The following ADGRL3 variants were observed in gnomAD, a reference collection of about 807,000 sequenced individuals.
ADGRL3 encodes adhesion G protein-coupled receptor L3, also known as calcium-independent alpha-latrotoxin receptor 3.
Under a neutral mutation model 153.5 loss-of-function variants are expected in ADGRL3, and 62 were observed. The ratio of observed to expected loss-of-function variants is 0.40; its 90% CI spans 0.33 to 0.50. The LOEUF (loss-of-function observed/expected upper bound fraction) is 0.50, where lower values mean the gene tolerates loss of function less well. ADGRL3 is among the 20% of genes least tolerant of loss of function. ADGRL3 has a pLI of 0.47. For missense variants in ADGRL3, 1,641 were observed against 1,859.4 expected (o/e 0.88, Z 2.16); for synonymous variants, 710 against 672.5 (o/e 1.06, Z -0.86).
intron 2 of ADGRL3, among the ~76,000 whole-genome samples, chr4:61,454,291 A>C (rs975732306): frequency 1.3e-5 from 2 of 152,136 alleles, no homozygotes; most frequent in Non-Finnish European, 2.9e-5. Context: ...TGAAAAAAAA[A>C]GATTAAGAAA....
At chr4:61,383,621 A>C (rs1437251614) in intron 2 of ADGRL3, among the ~76,000 whole-genome samples, 1 of 151,800 alleles carries the variant, frequency 6.6e-6, no homozygotes, top group Non-Finnish European at 1.5e-5. Flanking sequence ...TTTTTCTTTA[A>C]TTCATTCAGT....
chr4:61,453,392 T>C (rs2097697647), intron 2 of ADGRL3, among the ~76,000 whole-genome samples: 2 of 152,180 alleles, frequency 1.3e-5, no homozygotes, highest in Non-Finnish European at 1.5e-5. Flanking sequence ...CAAATATGTT[T>C]ATATTTATCA....
chr4:61,858,882 T>G (rs1167487915), intron 9 of ADGRL3, among the ~76,000 whole-genome samples: 2 of 152,100 alleles, frequency 1.3e-5, no homozygotes, highest in Non-Finnish European at 2.9e-5. Context: ...TAGAGAAAAG[T>G]CTAAAGCTGT....
At chr4:61,874,774 C>T (rs1039602043) in intron 9 of ADGRL3, among the ~76,000 whole-genome samples, 1 of 137,146 alleles carries the variant, frequency 7.3e-6, no homozygotes, top group East Asian at 2.3e-4. Flanking sequence ...ATATTTTCAA[C>T]GACATCAAAA....
At chr4:61,702,530 A>G (rs1450593629) in intron 6 of ADGRL3, among the ~76,000 whole-genome samples, 1 of 152,200 alleles carries the variant, frequency 6.6e-6, no homozygotes, top group Non-Finnish European at 1.5e-5. Context: ...TCTTTAAAAT[A>G]TTCATTCTGA....
At chr4:61,467,254 T>C (rs2097896012) in intron 2 of ADGRL3, among the ~76,000 whole-genome samples, 1 of 152,186 alleles carries the variant, frequency 6.6e-6, no homozygotes. Context: ...CAATCTCTTT[T>C]GAACATCAAT....
At chr4:61,986,039 T>G (rs2150911999) in intron 19 of ADGRL3, among the ~76,000 whole-genome samples, 1 of 151,884 alleles carries the variant, frequency 6.6e-6, no homozygotes, top group Middle Eastern at 3.4e-3. Context: ...AACATAAAAT[T>G]CAGTCTTTAA....
At chr4:61,882,130 G>A (rs981467763) in intron 9 of ADGRL3, among the ~76,000 whole-genome samples, 5 of 151,998 alleles carry the variant, frequency 3.3e-5, no homozygotes, top group Admixed American at 6.6e-5. Flanking sequence ...TAACATTTTC[G>A]TACTGTTCGA....
At chr4:61,805,003 T>C (rs2097539021) in intron 8 of ADGRL3, among the ~76,000 whole-genome samples, 1 of 151,206 alleles carries the variant, frequency 6.6e-6, no homozygotes, top group Non-Finnish European at 1.5e-5. Flanking sequence ...TCGCCCAGGC[T>C]GGAGTGCAGT....
chr4:61,347,298 A>C (rs979049342), intron 1 of ADGRL3, among the ~76,000 whole-genome samples: 2 of 151,644 alleles, frequency 1.3e-5, no homozygotes, highest in African/African-American at 4.8e-5. Flanking sequence ...ATAGAGAGGT[A>C]TATTAAATTT....
intron 1 of ADGRL3, among the ~76,000 whole-genome samples, chr4:61,337,777 G>C (rs2095710460): frequency 6.6e-6 from 1 of 152,000 alleles, no homozygotes; most frequent in African/African-American, 2.4e-5. Flanking sequence ...AGATTCTTTG[G>C]CTTTTAAGGC....
At position 61,978,500 on chromosome 4, in the gene ADGRL3, C is replaced by CA. The variant is rs1482137478; in HGVS notation, c.2806-1057dup. Among the ~76,000 whole-genome samples, 4 of 152,094 alleles carry CA rather than the reference C, an allele frequency of 2.6e-5. No homozygotes were observed. The East Asian group carries it at 5.8e-4, about 22-fold the overall frequency. On this transcript the variant is annotated intron_variant, in intron 17 of 26. Coordinates refer to ENST00000683033, the MANE Select transcript of ADGRL3 (RefSeq NM_001387552.1). ...TAGAAGTTAGGTATTTATGGCTCTT[C>CA]AAAAAACCTTGAAGGAAAAGAATTG...
intron 4 of ADGRL3, among the ~76,000 whole-genome samples, chr4:61,525,613 G>C (rs923776005): frequency 3.3e-5 from 5 of 152,136 alleles, no homozygotes; most frequent in Admixed American, 2.6e-4. Context: ...GCTCAGTTAG[G>C]TTATTGCCAT....
intron 4 of ADGRL3, among the ~76,000 whole-genome samples, chr4:61,568,806 T>G (rs2098826905): frequency 6.6e-6 from 1 of 152,162 alleles, no homozygotes; most frequent in South Asian, 2.1e-4. Context: ...CTTCTTTAAC[T>G]CCTTTTTTCT....
At chr4:61,374,849 C>T (rs947419241) in intron 1 of ADGRL3, among the ~76,000 whole-genome samples, 3 of 151,842 alleles carry the variant, frequency 2.0e-5, no homozygotes, top group Non-Finnish European at 2.9e-5. Flanking sequence ...GCTTTTTAAA[C>T]TTTAGTTAGA....
intron 1 of ADGRL3, among the ~76,000 whole-genome samples, chr4:61,255,218 G>T (rs2149487318): frequency 6.6e-6 from 1 of 152,252 alleles, no homozygotes; most frequent in South Asian, 2.1e-4. Context: ...AAATTTTAAG[G>T]CAGAAAGTTC....
intron 6 of ADGRL3, among the ~76,000 whole-genome samples, chr4:61,706,258 A>G (rs2095855770): frequency 6.6e-6 from 1 of 151,928 alleles, no homozygotes; most frequent in Non-Finnish European, 1.5e-5. Flanking sequence ...CATCTCTACT[A>G]AAAACACAAA....
intron 1 of ADGRL3, among the ~76,000 whole-genome samples, chr4:61,331,130 G>C (rs2095564263): frequency 6.6e-6 from 1 of 152,092 alleles, no homozygotes; most frequent in Non-Finnish European, 1.5e-5. Flanking sequence ...TGTTGTGTCT[G>C]TTTTCTAAAG....
intron 9 of ADGRL3, among the ~76,000 whole-genome samples, chr4:61,869,490 C>A (rs980444707): frequency 2.0e-5 from 3 of 151,372 alleles, no homozygotes; most frequent in Non-Finnish European, 1.5e-5. Context: ...CCCAGCTACT[C>A]GGGAGGCTGA....
Sources: gnomAD v4.1 joint callset for allele counts (sites outside exome capture counted in the v4.1 genomes callset) on GRCh38, gnomAD v4.1.1 for gene constraint, MANE v1.5 for transcripts, NCBI Gene and HGNC (gene_info 2026-07-23, HGNC 2026-07-21) for gene names.